The following SSBP3 variants were observed in gnomAD, a reference collection of about 807,000 sequenced individuals.
SSBP3 encodes the protein single stranded DNA binding protein 3.
In SSBP3, 5 loss-of-function variants were observed where a neutral mutation model predicts 69.6. That is an observed-to-expected ratio of 0.07 (90% CI 0.04 to 0.15). SSBP3 has a LOEUF of 0.15. Ranked by LOEUF, SSBP3 falls within the 10% of genes least tolerant of loss-of-function variation. The pLI, the probability that SSBP3 is intolerant of heterozygous loss-of-function variation, is 1.00. For missense variants in SSBP3, 312 were observed against 534.0 expected (o/e 0.58, Z 4.10); for synonymous variants, 196 against 193.4 (o/e 1.01, Z -0.11).
In SSBP3 at chr1:54,258,038, C is replaced by G; in HGVS notation, c.447+31G>C. ...TCTGCTTCCTCCGCGCCCCGCGTCC[C>G]CGGCGGGCGGGAGCGCCACGGTGCG... On this transcript the variant is annotated intron_variant, in intron 6 of 17. Coordinates refer to ENST00000610401, the Ensembl canonical transcript of SSBP3. This position sits in a 1 kb window ranked among gnomAD's most constrained non-coding sequence, Gnocchi z 4.5. 3.8e-6 allele frequency: 6 copies of G among 1,561,418 alleles called. No homozygotes were observed. Among genetic ancestry groups the G allele is most frequent in the Non-Finnish European group, 5.2e-6 (6 of 1,153,386 alleles).
At chr1:54,269,478 T>G (rs1009339732) in intron 5 of SSBP3, among the ~76,000 whole-genome samples, 10 of 152,228 alleles carry the variant, frequency 6.6e-5, no homozygotes, top group Non-Finnish European at 1.0e-4. Context: ...CCGAAGTTCC[T>G]AAGCTCTTGG....
chr1:54,348,191 C>T (rs1026118971), intron 4 of SSBP3, among the ~76,000 whole-genome samples: 5 of 125,610 alleles, frequency 4.0e-5, no homozygotes, highest in East Asian at 4.6e-4. Context: ...AACTGAGAAC[C>T]GCCAAGGAAA....
At chr1:54,308,192 A>T (rs1405019775) in intron 4 of SSBP3, among the ~76,000 whole-genome samples, 1 of 152,216 alleles carries the variant, frequency 6.6e-6, no homozygotes, top group Non-Finnish European at 1.5e-5. Context: ...GGGTGCTGAC[A>T]TCTGTAGTTC....
At chr1:54,228,175 CG>C in intron 17 of SSBP3, 79 bp downstream of exon 17, 1 of 1,331,096 alleles carries the variant, frequency 7.5e-7, no homozygotes, top group Non-Finnish European at 1.1e-6. Flanking sequence ...GGCTGCAGCC[CG>C]GCTCCGTAGC....
rs547113269 is a variant in SSBP3 at position 54,226,986 on chromosome 1, C to T, written c.*145G>A. The T allele has an allele frequency of 2.7e-4, 153 of 559,578 alleles. 1 individual carries two copies. In the African/African-American group the frequency reaches 6.1e-3, roughly 22 times the overall value. 34.7% of individuals were successfully genotyped at this position (559,578 alleles called of 1,614,324 possible). ...AACTAAAATTGGGAAAGGTAGGGGG[C>T]GTGGATGGGGTGGGAGGGGGTTGAG... On this transcript the variant is annotated 3_prime_UTR_variant, in exon 18 of 18. Coordinates refer to ENST00000610401, the Ensembl canonical transcript of SSBP3.
intron 4 of SSBP3, among the ~76,000 whole-genome samples, chr1:54,295,647 T>G (rs1645691043): frequency 6.6e-6 from 1 of 152,122 alleles, no homozygotes; most frequent in African/African-American, 2.4e-5. Flanking sequence ...ACAAGAGATT[T>G]TAAAAAAACA....
intron 4 of SSBP3, among the ~76,000 whole-genome samples, chr1:54,394,695 C>CTTTTTTTTTTT: frequency 1.0e-5 from 1 of 97,130 alleles, no homozygotes; most frequent in Non-Finnish European, 1.9e-5. Flanking sequence ...CTTAAGACTC[C>CTTTTTTTTTTT]TTTTTTTTTT....
intron 4 of SSBP3, among the ~76,000 whole-genome samples, chr1:54,322,814 A>T (rs1382752864): frequency 6.6e-6 from 1 of 152,168 alleles, no homozygotes; most frequent in Non-Finnish European, 1.5e-5. Flanking sequence ...AGCTGGCATT[A>T]CCAGGTGGCC....
chr1:54,373,677 G>C (rs556719361), intron 4 of SSBP3, among the ~76,000 whole-genome samples: 1 of 152,050 alleles, frequency 6.6e-6, no homozygotes, highest in South Asian at 2.1e-4. Flanking sequence ...TGATGGGGGA[G>C]GATTGCTTGA....
intron 4 of SSBP3, among the ~76,000 whole-genome samples, chr1:54,345,940 G>C (rs569580566): frequency 6.6e-6 from 1 of 150,500 alleles, no homozygotes; most frequent in East Asian, 1.9e-4. Flanking sequence ...TCAGGAGTTC[G>C]AGACCAGCCT....
intron 4 of SSBP3, among the ~76,000 whole-genome samples, chr1:54,357,911 A>C (rs1646893621): frequency 6.6e-6 from 1 of 152,176 alleles, no homozygotes; most frequent in South Asian, 2.1e-4. Context: ...TGGACTCTCC[A>C]AAGTAAAGGA....
chr1:54,371,778 C>T (rs1406091386), intron 4 of SSBP3, among the ~76,000 whole-genome samples: 3 of 152,190 alleles, frequency 2.0e-5, no homozygotes, highest in Non-Finnish European at 4.4e-5. Context: ...AGCTGACAGG[C>T]TCCTGGCCTC....
At chr1:54,325,160 A>G (rs1440800359) in intron 4 of SSBP3, among the ~76,000 whole-genome samples, 1 of 152,212 alleles carries the variant, frequency 6.6e-6, no homozygotes, top group African/African-American at 2.4e-5. Flanking sequence ...GCAGCCGAGC[A>G]TCTGGGCCCA....
intron 2 of SSBP3, 39 bp downstream of exon 2, chr1:54,404,819 G>GGGGGT: frequency 9.3e-7 from 1 of 1,080,052 alleles, no homozygotes; most frequent in Non-Finnish European, 1.3e-6. Flanking sequence ...GGGGGGGGGG[G>GGGGGT]GTGTCAAGAA....
At chr1:54,367,310 T>A (rs1290076912) in intron 4 of SSBP3, among the ~76,000 whole-genome samples, 1 of 152,070 alleles carries the variant, frequency 6.6e-6, no homozygotes, top group African/African-American at 2.4e-5. Flanking sequence ...TCAGGCATGA[T>A]CCAGGCAATA....
At chr1:54,384,301 C>T (rs76471670) in intron 4 of SSBP3, among the ~76,000 whole-genome samples, 6,212 of 152,204 alleles carry the variant, frequency 0.041, 238 homozygotes, top group African/African-American at 0.11. Flanking sequence ...AGGCAAACAC[C>T]AAGGCCAGGG....
intron 15 of SSBP3, 103 bp from the exon 16 acceptor site, chr1:54,228,580 TC>T: frequency 6.5e-7 from 1 of 1,545,470 alleles, no homozygotes; most frequent in Non-Finnish European, 8.8e-7. Context: ...TCCATCCCAG[TC>T]CCACACTGTG....
intron 5 of SSBP3, among the ~76,000 whole-genome samples, chr1:54,273,260 G>GT (rs1459877521): frequency 1.3e-5 from 2 of 152,236 alleles, no homozygotes; most frequent in Non-Finnish European, 1.5e-5. Context: ...TGGAGTTCAC[G>GT]TTTTTCAGAG....
At chr1:54,293,128 G>C (rs77733670) in intron 4 of SSBP3, among the ~76,000 whole-genome samples, 5,666 of 152,170 alleles carry the variant, frequency 0.037, 371 homozygotes, top group African/African-American at 0.13. Flanking sequence ...AAAGCTAAAG[G>C]GCAAGGCGGG....
Sources: gnomAD v4.1 joint callset for allele counts (sites outside exome capture counted in the v4.1 genomes callset) on GRCh38, gnomAD v4.1.1 for gene constraint, Gnocchi (gnomAD v3.1) non-coding constraint, MANE v1.5 for transcripts, NCBI Gene and HGNC (gene_info 2026-07-23, HGNC 2026-07-21) for gene names.